FRMD4B: variants seen among roughly 807,000 people sequenced by gnomAD.
The protein encoded by FRMD4B is FERM domain-containing protein 4B.
Under a neutral mutation model 141.5 loss-of-function variants are expected in FRMD4B, and 74 were observed. The ratio of observed to expected loss-of-function variants is 0.52; its 90% CI spans 0.43 to 0.63. The LOEUF (loss-of-function observed/expected upper bound fraction) is 0.63, where lower values mean the gene tolerates loss of function less well. Ranked by LOEUF, FRMD4B falls within the 30% of genes least tolerant of loss-of-function variation. The probability of loss-of-function intolerance (pLI) is 0.00; values close to 1 mark genes in which losing one functional copy is unlikely to be tolerated. For synonymous variants in FRMD4B, 506 were observed against 467.9 expected, an observed-to-expected ratio of 1.08 and a Z score of -1.05; for missense variants, 1,366 against 1,253.4, an observed-to-expected ratio of 1.09 and a Z score of -1.36.
intron 1 of FRMD4B, among the ~76,000 whole-genome samples, chr3:69,487,315 T>C (rs1044695576): frequency 1.3e-5 from 2 of 152,172 alleles, no homozygotes; most frequent in African/African-American, 4.8e-5. Flanking sequence ...TAGATGACAC[T>C]GAGAAAGTTA....
chr3:69,301,268 A>G (rs1201703125), intron 4 of FRMD4B, among the ~76,000 whole-genome samples: 1 of 152,180 alleles, frequency 6.6e-6, no homozygotes, highest in Non-Finnish European at 1.5e-5. Context: ...TTTCAGCTCA[A>G]TCAGTAATGA....
At chr3:69,190,914 G>A (rs1575594103) in intron 17 of FRMD4B, among the ~76,000 whole-genome samples, 1 of 152,304 alleles carries the variant, frequency 6.6e-6, no homozygotes, top group East Asian at 1.9e-4. Flanking sequence ...AGTATCACCT[G>A]GCTCAATCCC....
chr3:69,516,560 C>A (rs1300913248), intron 1 of FRMD4B, among the ~76,000 whole-genome samples: 2 of 152,186 alleles, frequency 1.3e-5, no homozygotes, highest in African/African-American at 4.8e-5. Context: ...TGCAACCCTG[C>A]CAACATCTTG....
rs1215831894 is a variant in FRMD4B, at chr3:69,385,821, A to C, written c.162+7T>G. On this transcript the variant is annotated splice_region_variant and intron_variant, in intron 1 of 22. Coordinates refer to ENST00000398540, the MANE Select transcript of FRMD4B (RefSeq NM_015123.3). ...GGGGCCCTCGGGTGCCGCGCGCTCC[A>C]GCTCACCTGGTACACGTCCTGCAGC... The C allele has an allele frequency of 6.4e-7, 1 of 1,551,514 alleles. No homozygotes were observed. Among genetic ancestry groups the C allele is most frequent in the Admixed American group, 1.9e-5 (1 of 53,910 alleles).
chr3:69,261,745 T>A (rs1482066616), intron 5 of FRMD4B, among the ~76,000 whole-genome samples: 1 of 152,196 alleles, frequency 6.6e-6, no homozygotes, highest in Non-Finnish European at 1.5e-5. Context: ...CGATCTCAGC[T>A]CACCACAACC....
At chr3:69,443,826 G>T (rs1705373093) in intron 1 of FRMD4B, among the ~76,000 whole-genome samples, 1 of 152,194 alleles carries the variant, frequency 6.6e-6, no homozygotes, top group Non-Finnish European at 1.5e-5. Context: ...AAGCCACAAG[G>T]TTAGGATTAC....
chr3:69,332,119 C>T (rs1702389345), intron 1 of FRMD4B, among the ~76,000 whole-genome samples: 1 of 152,056 alleles, frequency 6.6e-6, no homozygotes, highest in Admixed American at 6.6e-5. Flanking sequence ...AAACACCAAG[C>T]AATTGATACA....
intron 7 of FRMD4B, chr3:69,228,272 A>G: frequency 2.2e-6 from 1 of 455,846 alleles, no homozygotes; most frequent in South Asian, 1.6e-5. Context: ...TACTCTACAA[A>G]GCATATCTTT....
intron 1 of FRMD4B, among the ~76,000 whole-genome samples, chr3:69,436,696 T>C (rs1705266226): frequency 6.6e-6 from 1 of 152,176 alleles, no homozygotes; most frequent in Non-Finnish European, 1.5e-5. Context: ...AATCCAAATG[T>C]CCATCAGCAG....
chr3:69,277,327 T>C (rs1322873658), intron 5 of FRMD4B, among the ~76,000 whole-genome samples: 2 of 152,096 alleles, frequency 1.3e-5, no homozygotes, highest in African/African-American at 2.4e-5. Context: ...ACTGATTTGG[T>C]ACTCAGGTCA....
chr3:69,502,317 G>C (rs1183825589), intron 1 of FRMD4B, among the ~76,000 whole-genome samples: 3 of 152,198 alleles, frequency 2.0e-5, no homozygotes, highest in East Asian at 3.9e-4. Context: ...CAGCATAATA[G>C]TGGTACCAAA....
intron 2 of FRMD4B, among the ~76,000 whole-genome samples, chr3:69,401,557 CTT>C (rs1282088214): frequency 6.6e-6 from 1 of 152,050 alleles, no homozygotes; most frequent in East Asian, 1.9e-4. Context: ...TTCTTCCTCT[CTT>C]TCTTTTCTGA....
At chr3:69,211,040 A>AAAAAT (rs60665394) in intron 11 of FRMD4B, among the ~76,000 whole-genome samples, 1 of 144,050 alleles carries the variant, frequency 6.9e-6, no homozygotes, top group Non-Finnish European at 1.5e-5. Context: ...AAAAAAAAAA[A>AAAAAT]GAAAGAAAAT....
chr3:69,529,014 G>C (rs1700975780), intron 1 of FRMD4B, among the ~76,000 whole-genome samples: 1 of 152,120 alleles, frequency 6.6e-6, no homozygotes, highest in Non-Finnish European at 1.5e-5. Context: ...TCCACAGTCA[G>C]AGAAAGTCCT....
Position 69,267,654 on chromosome 3 carries a change from G to A in FRMD4B, c.502-17555C>T, listed in dbSNP as rs1247902816. Reference sequence around the variant, plus strand: ...ATATATATAGAGAGAGAGAGAGAGAGAGAGAGAGAGAGAGAGAGAGAGAGA... The same window carrying A: ...ATATATATAGAGAGAGAGAGAGAGAAAGAGAGAGAGAGAGAGAGAGAGAGA... On this transcript the variant is annotated intron_variant, in intron 5 of 22. Coordinates refer to ENST00000398540, the MANE Select transcript of FRMD4B (RefSeq NM_015123.3). Among the ~76,000 whole-genome samples, 4 of 56,836 alleles carry A rather than the reference G, an allele frequency of 7.0e-5. No individual in the cohort carries two copies. The Admixed American group carries it at 8.2e-4, about 12-fold the overall frequency. 37.3% of individuals were successfully genotyped at this position (56,836 alleles called of 152,430 possible). A position where few individuals can be genotyped will look rare whatever the true frequency, so the allele number is the denominator to read the frequency against.
chr3:69,538,614 A>T (rs1468624414), intron 1 of FRMD4B, among the ~76,000 whole-genome samples: 1 of 152,196 alleles, frequency 6.6e-6, no homozygotes, highest in African/African-American at 2.4e-5. Context: ...TATTGAAAAA[A>T]CACTGTCTTA....
intron 5 of FRMD4B, among the ~76,000 whole-genome samples, chr3:69,256,519 C>G (rs1471264929): frequency 1.3e-5 from 2 of 152,140 alleles, no homozygotes; most frequent in Non-Finnish European, 2.9e-5. Flanking sequence ...GGGGTTTCAC[C>G]ATGTTGGCCA....
rs536916744 is a variant in FRMD4B, at chr3:69,527,091, C to T, written c.-129+15115G>A. Among the ~76,000 whole-genome samples, 23 of 152,278 alleles carry T rather than the reference C, an allele frequency of 1.5e-4. No homozygotes were observed. In the South Asian group the frequency reaches 4.4e-3, roughly 29 times the overall value. On this transcript the variant is annotated intron_variant, in intron 1 of 5. Transcript: ENST00000459638. The stretch of plus-strand genomic sequence containing the variant: ...ACCCTTTGCTATTTGTGTCCTCCGT[C>T]CTGGGGCATGGGTCTCTCTCTCTCC...
At chr3:69,414,036 G>A (rs1315218527) in intron 2 of FRMD4B, among the ~76,000 whole-genome samples, 2 of 152,146 alleles carry the variant, frequency 1.3e-5, no homozygotes, top group African/African-American at 4.8e-5. Context: ...CTGGCTTGGA[G>A]AAAAGACGTG....
Sources: gnomAD v4.1 joint callset for allele counts (sites outside exome capture counted in the v4.1 genomes callset) on GRCh38, gnomAD v4.1.1 for gene constraint, MANE v1.5 for transcripts, NCBI Gene and HGNC (gene_info 2026-07-23, HGNC 2026-07-21) for gene names.